Variants in STAB1 observed in about 807,000 individuals in gnomAD.
STAB1 encodes the protein stabilin 1.
STAB1 carries 250 observed loss-of-function variants against 332.4 expected under a neutral mutation model. That is an observed-to-expected ratio of 0.75 (90% CI 0.68 to 0.84). STAB1 has a LOEUF of 0.84. Ranked by LOEUF, STAB1 falls within the 40% of genes least tolerant of loss-of-function variation. STAB1 has a pLI of 0.00. For synonymous variants in STAB1, 1,475 were observed against 1,390.4 expected (o/e 1.06, Z -1.35); for missense variants, 3,249 against 3,489.7 (o/e 0.93, Z 1.74).
rs774530300 is a variant in STAB1, at chr3:52,520,425, A to G, written c.5525A>G (p.Asp1842Gly). ...GGTGAGCTCATGGTGGGTGAGGATGATGCTCGCATTGTGCAGCGGCACTTG... is the reference window on the plus strand; with the variant it reads ...GGTGAGCTCATGGTGGGTGAGGATGGTGCTCGCATTGTGCAGCGGCACTTG... ...RAGELMVGED[D>G]ARIVQRHLPF... is the part of the protein sequence containing the mutation. The change falls in exon 53 of 69, where the codon GAT becomes GGT. Residue 1842 changes from aspartate to glycine, a missense_variant. Transcript: ENST00000321725. The G allele has an allele frequency of 1.9e-6, 3 of 1,612,116 alleles. No homozygotes were observed. The highest frequency in any genetic ancestry group is 1.3e-5 in the African/African-American group (1 of 74,924).
rs778277356 is a variant in STAB1 at position 52,516,591 on chromosome 3, A to C, written c.4286+4A>C. ...GGAAGTGCGACCCCAATGCCAAGTG[A>C]GTGGGCCCAGCCTGGGGCGGGTGGG... On this transcript the variant is annotated splice_donor_region_variant and intron_variant, in intron 40 of 68. Coordinates refer to ENST00000321725, the MANE Select transcript of STAB1 (RefSeq NM_015136.3). 9 of 1,612,750 alleles carry C rather than the reference A, an allele frequency of 5.6e-6. No individual in the cohort carries two copies. Among genetic ancestry groups the C allele is most frequent in the Non-Finnish European group, 6.8e-6 (8 of 1,179,948 alleles).
chr3:52,495,461 C>T lies in STAB1; in HGVS notation c.48C>T (p.Cys16=), dbSNP rs768536359. 3.0e-6 allele frequency: 4 copies of T among 1,342,056 alleles called. No homozygotes were observed. In the South Asian group the frequency reaches 9.9e-5, roughly 33 times the overall value. 83.1% of individuals were successfully genotyped at this position (1,342,056 alleles called of 1,614,324 possible). ...GLLPLCLLAF[C]LAGFSFVRGQ... Reference sequence around the variant, plus strand: ...TCCCACTCTGCCTCCTGGCCTTCTGCCTGGCAGGCTTCAGCTTCGTCAGGG... The same window carrying T: ...TCCCACTCTGCCTCCTGGCCTTCTGTCTGGCAGGCTTCAGCTTCGTCAGGG... The change falls in exon 1 of 69, where the codon TGC becomes TGT. Residue 16 remains cysteine, a synonymous_variant. Coordinates refer to ENST00000321725, the MANE Select transcript of STAB1 (RefSeq NM_015136.3).
chr3:52,519,941 C>T lies in STAB1; in HGVS notation c.5236-3C>T, dbSNP rs1472912986. The stretch of plus-strand genomic sequence containing the variant: ...CTGCCACATCTTTGCTGCACCCCAC[C>T]AGGTGGCCGGCCTCCTGCCCCTGCT... On this transcript the variant is annotated splice_region_variant and splice_polypyrimidine_tract_variant and intron_variant, in intron 50 of 68. Coordinates refer to ENST00000321725, the MANE Select transcript of STAB1 (RefSeq NM_015136.3). The T allele has an allele frequency of 1.9e-6, 3 of 1,569,646 alleles. No homozygotes were observed. In the Admixed American group the frequency reaches 5.4e-5, roughly 28 times the overall value.
intron 18 of STAB1, among the ~76,000 whole-genome samples, chr3:52,507,193 C>T (rs957220531): frequency 1.3e-5 from 2 of 152,184 alleles, no homozygotes; most frequent in Non-Finnish European, 2.9e-5. Context: ...TACAGGTGTC[C>T]GCCAACATGC....
At chr3:52,504,622 G>T (rs1215072235) in intron 11 of STAB1, 73 bp downstream of exon 11, 1 of 1,612,144 alleles carries the variant, frequency 6.2e-7, no homozygotes, top group Non-Finnish European at 8.5e-7. Flanking sequence ...CAGTCTTCAG[G>T]GCCACCTGGA....
chr3:52,508,240 G>A (rs762877452), intron 20 of STAB1, 33 bp from the exon 21 acceptor site: 1 of 1,589,630 alleles, frequency 6.3e-7, no homozygotes, highest in Admixed American at 1.7e-5. Flanking sequence ...CATGGACCCA[G>A]ATGGCCTCTT....
rs772535487 is a variant in STAB1 at position 52,510,031 on chromosome 3, T to C, written c.2509T>C (p.Cys837Arg). Residue 837 changes from cysteine to arginine, a missense_variant, in exon 23 of 69, where the codon TGT (cysteine) becomes CGT (arginine). Cys to Arg is a radical substitution (Grantham distance 180). Transcript: ENST00000321725. ...CCAGCACTGCCACCTGCATGCCCGC[T>C]GTGTTAGCCAGGAGGGTGTTGCCAG... The part of the protein sequence containing the change: ...LAQHCHLHAR[C>R]VSQEGVARCR... 5 of 1,608,194 alleles carry C rather than the reference T, an allele frequency of 3.1e-6. No individual in the cohort carries two copies. In the East Asian group the frequency reaches 8.9e-5, roughly 29 times the overall value.
Position 52,512,359 on chromosome 3 carries a change from G to A in STAB1, c.2902G>A (p.Gly968Arg), listed in dbSNP as rs368867105. ...CHGLATCRAV[G>R]GGQRVCTCPP... is the part of the protein sequence containing the mutation. Reference sequence around the variant, plus strand: ...ACCCCAGGCCACCTGCCGGGCAGTGGGGGGAGGTCAGCGGGTCTGCACGTG... The same window carrying A: ...ACCCCAGGCCACCTGCCGGGCAGTGAGGGGAGGTCAGCGGGTCTGCACGTG... The change falls in exon 27 of 69, where the codon GGG (glycine) becomes AGG (arginine). Residue 968 changes from glycine to arginine, a missense_variant. Gly to Arg is a moderately radical substitution (Grantham distance 125). Transcript: ENST00000321725. 4 of 1,612,910 alleles carry A rather than the reference G, an allele frequency of 2.5e-6. No homozygotes were observed. In the African/African-American group the frequency reaches 4.0e-5, roughly 16 times the overall value.
chr3:52,520,606 A>G, intron 53 of STAB1, 36 bp from the exon 54 acceptor site: 1 of 1,612,690 alleles, frequency 6.2e-7, no homozygotes, highest in East Asian at 2.2e-5. Flanking sequence ...GTGTCCATCC[A>G]CCTGACTTTG....
chr3:52,507,076 G>T (rs1040823346), intron 18 of STAB1, among the ~76,000 whole-genome samples: 4 of 152,206 alleles, frequency 2.6e-5, no homozygotes, highest in African/African-American at 9.7e-5. Flanking sequence ...GTAGGGTCTT[G>T]CTCTGTCGCC....
rs1273113870 is a variant in STAB1, at chr3:52,522,373, G to C, written c.6509G>C (p.Gly2170Ala). ...TGCCACGCAGGCTACGTAGGCGATG[G>C]ACTGCAGTGTCTGGAGGAGTCGGAA... ...CECHAGYVGDGLQCLEESEPP... is the reference protein window; with the variant it reads ...CECHAGYVGDALQCLEESEPP... The change falls in exon 60 of 69, where the codon GGA (glycine) becomes GCA (alanine). Residue 2170 changes from glycine to alanine, a missense_variant. By Grantham distance (60) the Gly-to-Ala change is moderately conservative. Transcript: ENST00000321725. 8.7e-6 allele frequency: 14 copies of C among 1,613,028 alleles called. No homozygotes were observed. Among genetic ancestry groups the C allele is most frequent in the Non-Finnish European group, 1.2e-5 (14 of 1,180,014 alleles).
At chr3:52,499,696 G>C (rs932121755) in intron 1 of STAB1, among the ~76,000 whole-genome samples, 1 of 151,726 alleles carries the variant, frequency 6.6e-6, no homozygotes, top group Admixed American at 6.6e-5. Flanking sequence ...TCAGGAGATC[G>C]AGACCAACCC....
At position 52,519,968 on chromosome 3, in the gene STAB1, C is replaced by T. The variant is rs1282795324; in HGVS notation, c.5260C>T (p.Arg1754Ter). The change falls in exon 51 of 69, where the codon CGA becomes TGA. Residue 1754 changes from arginine to a stop codon, truncating the protein, a stop_gained. Transcript: ENST00000321725. LOFTEE classifies it high-confidence loss of function. The part of the protein sequence containing the change: ...LKVAGLLPLL[R>*]EASHRPFTML... Reference sequence around the variant, plus strand: ...GGTGGCCGGCCTCCTGCCCCTGCTTCGAGAGGCATCCCATAGGCCCTTCAC... The same window carrying T: ...GGTGGCCGGCCTCCTGCCCCTGCTTTGAGAGGCATCCCATAGGCCCTTCAC... The T allele has an allele frequency of 5.7e-6, 9 of 1,591,694 alleles. No homozygotes were observed. The highest frequency in any genetic ancestry group is 2.7e-5 in the African/African-American group (2 of 74,148).
In STAB1 at chr3:52,513,763, C is replaced by T; in HGVS notation, c.3317C>T (p.Ala1106Val). Residue 1106 changes from alanine (A) to valine (V), a missense_variant, in exon 31 of 69, where the codon GCC (alanine) becomes GTC (valine). Transcript: ENST00000321725. ...AGCGTGGATGTGGCTGACCTCCTTG[C>T]CACCAACGGTGTCCTACACATCCTC... ...NASVDVADLL[A>V]TNGVLHILSQ... 6.2e-7 allele frequency: 1 copy of T among 1,613,394 alleles called. No homozygotes were observed. The highest frequency in any genetic ancestry group is 8.5e-7 in the Non-Finnish European group (1 of 1,180,008).
In STAB1 at chr3:52,523,414, G is replaced by A. The variant is rs894573782; in HGVS notation, c.7141-13G>A. On this transcript the variant is annotated splice_polypyrimidine_tract_variant and intron_variant, in intron 64 of 68. Transcript: ENST00000321725. ...CATCTGGCCCAGGCCAACAGGCCTT[G>A]CTCTGCTCACAGACGCTGAGTGGCC... 3 of 1,609,520 alleles carry A rather than the reference G, an allele frequency of 1.9e-6. No individual in the cohort carries two copies. The highest frequency in any genetic ancestry group is 2.7e-5 in the African/African-American group (2 of 74,910).
chr3:52,505,634 T>G, intron 14 of STAB1, 34 bp from the exon 15 acceptor site: 1 of 1,603,104 alleles, frequency 6.2e-7, no homozygotes, highest in Non-Finnish European at 8.5e-7. Flanking sequence ...AGGCTGGCCA[T>G]GCAACCCCCT....
At chr3:52,517,437 C>CGG in intron 43 of STAB1, 44 bp downstream of exon 43, 1 of 1,576,002 alleles carries the variant, frequency 6.3e-7, no homozygotes, top group Non-Finnish European at 8.6e-7. Flanking sequence ...GCCATGCCCT[C>CGG]ACAGGATGGG....
At chr3:52,521,726 C>T (rs1230090548) in intron 57 of STAB1, 26 bp downstream of exon 57, 1 of 1,611,718 alleles carries the variant, frequency 6.2e-7, no homozygotes, top group East Asian at 2.2e-5. Flanking sequence ...CTCGTGCCCA[C>T]CCTACACACT....
intron 40 of STAB1, 25 bp downstream of exon 40, chr3:52,516,612 G>A: frequency 6.2e-7 from 1 of 1,612,716 alleles, no homozygotes; most frequent in Non-Finnish European, 8.5e-7. Context: ...CCTGGGGCGG[G>A]TGGGTGAGTG....
Sources: gnomAD v4.1 joint callset for allele counts (sites outside exome capture counted in the v4.1 genomes callset) on GRCh38, gnomAD v4.1.1 for gene constraint, MANE v1.5 for transcripts, NCBI Gene and HGNC (gene_info 2026-07-23, HGNC 2026-07-21) for gene names.